Variants in BMPER observed in about 807,000 individuals in gnomAD.
The protein encoded by BMPER is BMP binding endothelial regulator.
A neutral mutation model predicts 87.3 loss-of-function variants in BMPER; 45 were observed. That is an observed-to-expected ratio of 0.52 (90% CI 0.41 to 0.66). BMPER has a LOEUF of 0.66. BMPER is among the 30% of genes least tolerant of loss of function. The pLI, the probability that BMPER is intolerant of heterozygous loss-of-function variation, is 0.00. For missense variants in BMPER, 784 were observed against 867.5 expected (o/e 0.90, Z 1.21); for synonymous variants, 326 against 316.2 (o/e 1.03, Z -0.33).
chr7:33,938,665 C>T (rs554658945), intron 3 of BMPER, among the ~76,000 whole-genome samples: 2 of 152,300 alleles, frequency 1.3e-5, no homozygotes, highest in African/African-American at 2.4e-5. Flanking sequence ...GAAACTCATC[C>T]ACCACATTTC....
At chr7:34,081,900 A>T (rs1340692879) in intron 12 of BMPER, among the ~76,000 whole-genome samples, 1 of 152,202 alleles carries the variant, frequency 6.6e-6, no homozygotes, top group Non-Finnish European at 1.5e-5. Flanking sequence ...GTTCTCTCTC[A>T]GTGGACAACA....
At chr7:34,062,400 C>T (rs576303026) in intron 11 of BMPER, among the ~76,000 whole-genome samples, 1 of 152,168 alleles carries the variant, frequency 6.6e-6, no homozygotes, top group Non-Finnish European at 1.5e-5. Context: ...AAACATTATA[C>T]AAAGTCTAGG....
intron 13 of BMPER, among the ~76,000 whole-genome samples, chr7:34,087,070 AT>A (rs551024090): frequency 9.8e-4 from 149 of 152,222 alleles, no homozygotes; most frequent in Admixed American, 1.7e-3. Context: ...TGATTTTTTT[AT>A]TTGATCTTTG....
Position 34,023,272 on chromosome 7 carries a change from C to T in BMPER, c.577-23034C>T, listed in dbSNP as rs554822961. Among the ~76,000 whole-genome samples, 8 of 152,144 alleles carry T rather than the reference C, an allele frequency of 5.3e-5. No individual in the cohort carries two copies. In the South Asian group the frequency reaches 1.7e-3, roughly 32 times the overall value. ...TACATCTTGGGGAACCCAGACTCTT[C>T]AGGTAAGAAATGTTCTTATTGTAAC... On this transcript the variant is annotated intron_variant, in intron 6 of 14. Transcript: ENST00000649409.
At chr7:33,958,975 C>T (rs4723343) in intron 3 of BMPER, among the ~76,000 whole-genome samples, 74,119 of 151,842 alleles carry the variant, frequency 0.49, 18,753 homozygotes, top group African/African-American at 0.6. Context: ...TCACAAGATA[C>T]GCTGGTTTTA....
intron 6 of BMPER, among the ~76,000 whole-genome samples, chr7:34,015,078 A>T (rs1047580981): frequency 3.9e-5 from 6 of 152,090 alleles, no homozygotes; most frequent in Middle Eastern, 3.4e-3. Flanking sequence ...GACTGGATGT[A>T]TTCTGAAGAT....
chr7:34,042,646 A>G (rs1447218622), intron 6 of BMPER: 1 of 152,214 alleles, frequency 6.6e-6, no homozygotes, highest in African/African-American at 2.4e-5. Flanking sequence ...TGTCATCAGC[A>G]TCCTGTAGTT....
intron 11 of BMPER, among the ~76,000 whole-genome samples, chr7:34,068,837 A>G (rs1164447714): frequency 6.6e-6 from 1 of 152,126 alleles, no homozygotes; most frequent in Non-Finnish European, 1.5e-5. Flanking sequence ...ATGAGGTTAG[A>G]CCTCTCACTT....
chr7:34,072,969 C>T (rs1788775246), intron 11 of BMPER, among the ~76,000 whole-genome samples: 1 of 152,058 alleles, frequency 6.6e-6, no homozygotes, highest in Admixed American at 6.5e-5. Flanking sequence ...AATTTTTTTT[C>T]CTAATAGTCT....
chr7:34,014,995 G>A (rs1025966625), intron 6 of BMPER, among the ~76,000 whole-genome samples: 7 of 151,796 alleles, frequency 4.6e-5, no homozygotes, highest in Admixed American at 2.0e-4. Context: ...CTTCTTCTAG[G>A]GGGGAGGCTG....
intron 6 of BMPER, among the ~76,000 whole-genome samples, chr7:34,001,751 G>T (rs1406283925): frequency 1.3e-5 from 2 of 151,364 alleles, no homozygotes. Context: ...TTCCTAATTT[G>T]TTAAGTGGAA....
intron 6 of BMPER, among the ~76,000 whole-genome samples, chr7:33,980,764 A>G (rs943070647): frequency 6.6e-6 from 1 of 152,136 alleles, no homozygotes; most frequent in Non-Finnish European, 1.5e-5. Context: ...TTGGCTGACA[A>G]AGGCGTATTA....
At chr7:34,023,299 C>T (rs1030673858) in intron 6 of BMPER, among the ~76,000 whole-genome samples, 3 of 152,168 alleles carry the variant, frequency 2.0e-5, no homozygotes, top group Admixed American at 1.3e-4. Context: ...TATTGTAACC[C>T]TGGACTGTGA....
At chr7:34,018,189 A>G (rs766976269) in intron 6 of BMPER, among the ~76,000 whole-genome samples, 37 of 151,916 alleles carry the variant, frequency 2.4e-4, no homozygotes, top group Non-Finnish European at 4.1e-4. Context: ...AATAGAGGAC[A>G]TAATGGTTTG....
At chr7:33,992,131 G>T (rs1013009439) in intron 6 of BMPER, among the ~76,000 whole-genome samples, 2 of 151,694 alleles carry the variant, frequency 1.3e-5, no homozygotes, top group Non-Finnish European at 2.9e-5. Context: ...TGCCTATTAG[G>T]TCCACTTGGT....
chr7:34,021,704 G>A (rs1231173087), intron 6 of BMPER, among the ~76,000 whole-genome samples: 1 of 152,046 alleles, frequency 6.6e-6, no homozygotes, highest in Non-Finnish European at 1.5e-5. Context: ...TCATGGGATA[G>A]AAACATAAAG....
rs28460411 is a variant in BMPER, at chr7:34,127,362, G to A, written c.1746-15868G>A. ...AGCTGGCTTCTATTGTCCCCCTACC[G>A]CCAATTGTTAGAATTTCTCCCCAGC... On this transcript the variant is annotated intron_variant, in intron 13 of 14. Coordinates refer to ENST00000649409, the MANE Select transcript of BMPER (RefSeq NM_001365308.1). Among the ~76,000 whole-genome samples the A allele has an allele frequency of 6.1e-3, 927 of 152,142 alleles. 7 individuals carry two copies. Among genetic ancestry groups the A allele is most frequent in the African/African-American group, 0.022 (897 of 41,510 alleles).
chr7:34,070,658 A>T (rs74782627), intron 11 of BMPER, among the ~76,000 whole-genome samples: 11,481 of 152,100 alleles, frequency 0.075, 603 homozygotes, highest in African/African-American at 0.15. Context: ...TATTTTCAAA[A>T]CAAGGTTCTG....
At chr7:34,121,841 G>T (rs992331442) in intron 13 of BMPER, among the ~76,000 whole-genome samples, 1 of 152,146 alleles carries the variant, frequency 6.6e-6, no homozygotes, top group African/African-American at 2.4e-5. Context: ...CAGAGCAAAG[G>T]CCAGGTGTGG....
Sources: gnomAD v4.1 joint callset for allele counts (sites outside exome capture counted in the v4.1 genomes callset) on GRCh38, gnomAD v4.1.1 for gene constraint, MANE v1.5 for transcripts, NCBI Gene and HGNC (gene_info 2026-07-23, HGNC 2026-07-21) for gene names.